The following ZNF207 variants were observed in gnomAD, a reference collection of about 807,000 sequenced individuals.
ZNF207 encodes zinc finger protein 207.
In ZNF207, 24 loss-of-function variants were observed where a neutral mutation model predicts 60.2. That is an observed-to-expected ratio of 0.40 (90% confidence interval 0.29 to 0.56). The LOEUF (loss-of-function observed/expected upper bound fraction) is 0.56, where lower values mean the gene tolerates loss of function less well. Among genes scored for constraint, ZNF207 ranks in the 20% least tolerant of loss-of-function variants. The pLI, the probability that ZNF207 is intolerant of heterozygous loss-of-function variation, is 0.49. For synonymous variants in ZNF207, 236 were observed against 194.7 expected (o/e 1.21, Z -1.77); for missense variants, 452 against 636.6 (o/e 0.71, Z 3.12).
chr17:32,380,325 C>T lies in ZNF207; in HGVS notation c.*10566C>T, dbSNP rs1053464064. ...TGCGACTTCATGTAGATGTGATTAA[C>T]ATTTTTTACAAATTTGCCTGCATAA... On this transcript the variant is annotated 3_prime_UTR_variant, in exon 12 of 12. Coordinates refer to ENST00000394670, the MANE Select transcript of ZNF207 (RefSeq NM_001098507.2). The T allele has an allele frequency of 2.0e-5, 3 of 152,364 alleles. No individual in the cohort carries two copies. The highest frequency in any genetic ancestry group is 4.4e-5 in the Non-Finnish European group (3 of 68,018). The allele number at this position is 152,364 out of a possible 1,614,324, so 9.4% of individuals were successfully genotyped here.
At chr17:32,361,240 G>A in intron 5 of ZNF207, 1 of 557,650 alleles carries the variant, frequency 1.8e-6, no homozygotes, top group South Asian at 2.7e-5. Flanking sequence ...TTATAGATTT[G>A]CGTTTCTGAG....
chr17:32,352,812 C>T (rs993425763), intron 2 of ZNF207, among the ~76,000 whole-genome samples: 2 of 152,238 alleles, frequency 1.3e-5, no homozygotes, highest in African/African-American at 2.4e-5. Flanking sequence ...CTTCCTGCCT[C>T]GTTCTCCCAA....
chr17:32,359,407 G>A (rs185952579), intron 3 of ZNF207, among the ~76,000 whole-genome samples: 4 of 151,288 alleles, frequency 2.6e-5, no homozygotes, highest in Non-Finnish European at 5.9e-5. Context: ...CACCACACCT[G>A]GCCTAGTTTT....
intron 3 of ZNF207, among the ~76,000 whole-genome samples, chr17:32,359,752 A>G (rs183869584): frequency 2.0e-5 from 3 of 152,108 alleles, no homozygotes; most frequent in Non-Finnish European, 2.9e-5. Flanking sequence ...CAAAAAAAAA[A>G]TACAAAAATT....
chr17:32,366,611 T>C (rs1489522028), intron 8 of ZNF207, 54 bp from the exon 9 acceptor site: 1 of 1,508,200 alleles, frequency 6.6e-7, no homozygotes, highest in African/African-American at 1.4e-5. Context: ...ACATGGCTTA[T>C]TTTGACCCAT....
In ZNF207 at chr17:32,365,443, C is replaced by A. The variant is rs1905115959; in HGVS notation, c.784C>A (p.Pro262Thr). 3 of 1,614,084 alleles carry A rather than the reference C, an allele frequency of 1.9e-6. No individual in the cohort carries two copies. In the East Asian group the frequency reaches 6.7e-5, roughly 36 times the overall value. The stretch of plus-strand genomic sequence containing the variant: ...TGCACCAACAGCAACTGTACCTGCC[C>A]CACAGCCTCCAGTTACTAAGCCTCT... ...PPAPTATVPA[P>T]QPPVTKPLFP... Residue 262 changes from proline to threonine, a missense_variant, in exon 8 of 12, where the codon CCA becomes ACA. Transcript: ENST00000394670.
chr17:32,354,257 G>C (rs956846392), intron 2 of ZNF207, among the ~76,000 whole-genome samples: 3 of 152,194 alleles, frequency 2.0e-5, no homozygotes, highest in African/African-American at 7.2e-5. Flanking sequence ...TGGAATTACA[G>C]TTGTGAGCCA....
intron 7 of ZNF207, among the ~76,000 whole-genome samples, chr17:32,363,773 C>T (rs1905019835): frequency 6.6e-6 from 1 of 151,874 alleles, no homozygotes; most frequent in Non-Finnish European, 1.5e-5. Context: ...TCAGGTTATC[C>T]GCCTGCCTTG....
In ZNF207 at chr17:32,375,895, C is replaced by T. The variant is rs1431326554; in HGVS notation, c.*6136C>T. 1 of 151,996 alleles carries T rather than the reference C, an allele frequency of 6.6e-6. No homozygotes were observed. Among genetic ancestry groups the T allele is most frequent in the African/African-American group, 2.4e-5 (1 of 41,420 alleles). 9.4% of individuals were successfully genotyped at this position (151,996 alleles called of 1,614,324 possible). ...CAGATTTTTATAAGTAAACATTCCC[C>T]CAATTCCACTTATGCTAACTGTCTC... On this transcript the variant is annotated 3_prime_UTR_variant, in exon 12 of 12. Coordinates refer to ENST00000394670, the MANE Select transcript of ZNF207 (RefSeq NM_001098507.2).
intron 6 of ZNF207, chr17:32,362,689 A>ATT: frequency 4.0e-5 from 15 of 376,178 alleles, no homozygotes; most frequent in South Asian, 6.8e-5. Flanking sequence ...TTTTGTCAAC[A>ATT]TTTTTTTTTT....
Position 32,367,261 on chromosome 17 carries a change from A to ATG in ZNF207, c.921+505_921+506insGT, listed in dbSNP as rs1567824902. On this transcript the variant is annotated intron_variant, in intron 9 of 11. Transcript: ENST00000394670. ...GGATTATATATATATATATATATAT[A>ATG]TATATATATATATATATATATATAA... is the stretch of plus-strand genomic sequence containing the variant. Among the ~76,000 whole-genome samples the ATG allele has an allele frequency of 7.7e-4, 87 of 113,430 alleles. 2 individuals are homozygous for ATG. The highest frequency in any genetic ancestry group is 6.4e-3 in the South Asian group (25 of 3,910). The allele number at this position is 113,430 out of a possible 152,430, so 74.4% of individuals were successfully genotyped here.
At position 32,371,262 on chromosome 17, in the gene ZNF207, C is replaced by G. The variant is rs1187565332; in HGVS notation, c.*1503C>G. 6.6e-6 allele frequency: 1 copy of G among 152,086 alleles called. No individual in the cohort carries two copies. The highest frequency in any genetic ancestry group is 1.5e-5 in the Non-Finnish European group (1 of 68,024). 9.4% of individuals were successfully genotyped at this position (152,086 alleles called of 1,614,324 possible). ...GACTTCTAAGAAAATGGTAACATTTCTTTATAACTTTCCTGTGAAGGTATA... is the reference window on the plus strand; with the variant it reads ...GACTTCTAAGAAAATGGTAACATTTGTTTATAACTTTCCTGTGAAGGTATA... On this transcript the variant is annotated 3_prime_UTR_variant, in exon 12 of 12. Coordinates refer to ENST00000394670, the MANE Select transcript of ZNF207 (RefSeq NM_001098507.2).
At position 32,360,648 on chromosome 17, in the gene ZNF207, G is replaced by A. The variant is rs1453047303; in HGVS notation, c.358G>A (p.Asp120Asn). 3 of 1,613,430 alleles carry A rather than the reference G, an allele frequency of 1.9e-6. No individual in the cohort carries two copies. Among genetic ancestry groups the A allele is most frequent in the Non-Finnish European group, 2.5e-6 (3 of 1,179,954 alleles). ...QDDSDEYDDD[D>N]SAASTSFQPQ... is the part of the protein sequence containing the mutation. ...TGATTCTGATGAATATGATGATGAC[G>A]ACTCTGCAGCCTCAACTTCATTTCA... The change falls in exon 4 of 12, where the codon GAC (aspartate) becomes AAC (asparagine). Residue 120 changes from aspartate to asparagine, a missense_variant. By Grantham distance (23) the Asp-to-Asn change is conservative (BLOSUM62 1). Around this residue, in one of 2 missense-constraint regions of ZNF207, gnomAD observed 62 missense variants for 175.3 expected, o/e 0.35. Transcript: ENST00000394670.
chr17:32,357,002 C>T (rs1037061734), intron 2 of ZNF207, among the ~76,000 whole-genome samples: 2 of 151,942 alleles, frequency 1.3e-5, no homozygotes, highest in Non-Finnish European at 2.9e-5. Flanking sequence ...GGGAACATAA[C>T]AAAACTACCT....
rs1905796768 is a variant in ZNF207 at position 32,379,397 on chromosome 17, C to T, written c.*9638C>T. 6.6e-6 allele frequency: 1 copy of T among 152,038 alleles called. No homozygotes were observed. The highest frequency in any genetic ancestry group is 6.6e-5 in the Admixed American group (1 of 15,266). 9.4% of individuals were successfully genotyped at this position (152,038 alleles called of 1,614,324 possible). ...TTTTAATTTGCTAGTTCACTTTTTTCTGACCTTCACTTAACAGACTATAAA... is the reference window on the plus strand; with the variant it reads ...TTTTAATTTGCTAGTTCACTTTTTTTTGACCTTCACTTAACAGACTATAAA... On this transcript the variant is annotated 3_prime_UTR_variant, in exon 12 of 12. Coordinates refer to ENST00000394670, the MANE Select transcript of ZNF207 (RefSeq NM_001098507.2).
In ZNF207 at chr17:32,350,241, C is replaced by G. The variant is rs372983891; in HGVS notation, c.-45C>G. On this transcript the variant is annotated 5_prime_UTR_variant, in exon 1 of 12. Transcript: ENST00000394670. The stretch of plus-strand genomic sequence containing the variant: ...TGAGGGATTTTTGGCCTCGTTTCTC[C>G]TGCTTCTTTTCTCCTCCCTTTTACT... 8.1e-6 allele frequency: 13 copies of G among 1,613,456 alleles called. No individual in the cohort carries two copies. Among genetic ancestry groups the G allele is most frequent in the African/African-American group, 1.3e-5 (1 of 74,904 alleles).
At position 32,370,442 on chromosome 17, in the gene ZNF207, C is replaced by A. The variant is rs1905416178; in HGVS notation, c.*683C>A. On this transcript the variant is annotated 3_prime_UTR_variant, in exon 12 of 12. Coordinates refer to ENST00000394670, the MANE Select transcript of ZNF207 (RefSeq NM_001098507.2). ...GTCCACATAATAAAATTCATAGTTACCAATGCAGTTTTGATATATCATTGG... is the reference window on the plus strand; with the variant it reads ...GTCCACATAATAAAATTCATAGTTAACAATGCAGTTTTGATATATCATTGG... 1 of 152,492 alleles carries A rather than the reference C, an allele frequency of 6.6e-6. No individual in the cohort carries two copies. Among genetic ancestry groups the A allele is most frequent in the Admixed American group, 6.5e-5 (1 of 15,276 alleles). 9.4% of individuals were successfully genotyped at this position (152,492 alleles called of 1,614,324 possible).
At chr17:32,363,016 T>G in intron 7 of ZNF207, 32 bp downstream of exon 7, 1 of 1,580,810 alleles carries the variant, frequency 6.3e-7, no homozygotes, top group Non-Finnish European at 8.6e-7. Flanking sequence ...TTTAATATGA[T>G]GTACAGGCTT....
In ZNF207 at chr17:32,370,968, A is replaced by G. The variant is rs989917496; in HGVS notation, c.*1209A>G. Reference sequence around the variant, plus strand: ...ATTATTCATTTGAGTACCTTCTGTTATTAAGCCTAGGTAGCCTTACTGTGC... The same window carrying G: ...ATTATTCATTTGAGTACCTTCTGTTGTTAAGCCTAGGTAGCCTTACTGTGC... On this transcript the variant is annotated 3_prime_UTR_variant, in exon 12 of 12. Transcript: ENST00000394670. 1.3e-5 allele frequency: 2 copies of G among 152,214 alleles called. No homozygotes were observed. The highest frequency in any genetic ancestry group is 2.4e-5 in the African/African-American group (1 of 41,448). The allele number at this position is 152,214 out of a possible 1,614,324, so 9.4% of individuals were successfully genotyped here.
Sources: gnomAD v4.1 joint callset for allele counts (sites outside exome capture counted in the v4.1 genomes callset) on GRCh38, gnomAD v4.1.1 for gene constraint, gnomAD v4.1.1 regional missense constraint, MANE v1.5 for transcripts, NCBI Gene and HGNC (gene_info 2026-07-23, HGNC 2026-07-21) for gene names.